CHST11: variants seen among roughly 807,000 people sequenced by gnomAD.
CHST11 encodes C4S-1.
Under a neutral mutation model 30.4 loss-of-function variants are expected in CHST11, and 9 were observed. That is an observed-to-expected ratio of 0.30 (90% CI 0.18 to 0.52). The LOEUF (loss-of-function observed/expected upper bound fraction) is 0.52, where lower values mean the gene tolerates loss of function less well. Ranked by LOEUF, CHST11 falls within the 20% of genes least tolerant of loss-of-function variation. The pLI, the probability that CHST11 is intolerant of heterozygous loss-of-function variation, is 0.97. For synonymous variants in CHST11, 152 were observed against 187.8 expected (o/e 0.81, Z 1.56); for missense variants, 348 against 460.6 (o/e 0.76, Z 2.24).
chr12:104,480,684 C>T (rs2037612897), intron 1 of CHST11, among the ~76,000 whole-genome samples: 1 of 151,640 alleles, frequency 6.6e-6, no homozygotes, highest in African/African-American at 2.4e-5. Flanking sequence ...CAGAAACACA[C>T]ATAAGACCGT....
At chr12:104,563,564 G>A (rs906813859) in intron 1 of CHST11, among the ~76,000 whole-genome samples, 13 of 152,162 alleles carry the variant, frequency 8.5e-5, no homozygotes, top group Non-Finnish European at 7.3e-5. Context: ...TATCTCCAGT[G>A]TGCCATGCAT....
chr12:104,513,470 G>A (rs1344929769), intron 1 of CHST11, among the ~76,000 whole-genome samples: 1 of 152,124 alleles, frequency 6.6e-6, no homozygotes, highest in Non-Finnish European at 1.5e-5. Flanking sequence ...TCTGGCTTAG[G>A]TACTAACATA....
intron 1 of CHST11, among the ~76,000 whole-genome samples, chr12:104,501,421 C>A (rs2037852931): frequency 6.6e-6 from 1 of 152,180 alleles, no homozygotes; most frequent in Non-Finnish European, 1.5e-5. Flanking sequence ...GGGGAGGCAC[C>A]AAACCTGAAG....
chr12:104,691,461 G>C (rs1445207670), intron 2 of CHST11, among the ~76,000 whole-genome samples: 1 of 151,806 alleles, frequency 6.6e-6, no homozygotes. Flanking sequence ...CTGGGGGCGG[G>C]GGGGAAACCA....
At chr12:104,639,092 A>G (rs2039350895) in intron 2 of CHST11, among the ~76,000 whole-genome samples, 1 of 152,196 alleles carries the variant, frequency 6.6e-6, no homozygotes, top group Admixed American at 6.5e-5. Flanking sequence ...GTGCCTTTCC[A>G]TGACCTTTGT....
At chr12:104,743,661 A>G (rs750127782) in intron 2 of CHST11, among the ~76,000 whole-genome samples, 1 of 152,178 alleles carries the variant, frequency 6.6e-6, no homozygotes, top group Non-Finnish European at 1.5e-5. Context: ...GGTTTGTTAC[A>G]TAGGTGAACT....
intron 2 of CHST11, among the ~76,000 whole-genome samples, chr12:104,710,620 A>G (rs1004129729): frequency 8.5e-5 from 13 of 152,172 alleles, no homozygotes; most frequent in Non-Finnish European, 1.5e-4. Context: ...TGGGAGGGCC[A>G]GCTGCACTCC....
chr12:104,520,876 G>A (rs1164903450), intron 1 of CHST11, among the ~76,000 whole-genome samples: 1 of 152,094 alleles, frequency 6.6e-6, no homozygotes, highest in Non-Finnish European at 1.5e-5. Context: ...GGAGGCTTGT[G>A]GTCCATTTGT....
intron 1 of CHST11, among the ~76,000 whole-genome samples, chr12:104,460,324 T>C (rs1306033476): frequency 6.6e-6 from 1 of 152,116 alleles, no homozygotes; most frequent in Admixed American, 6.5e-5. Context: ...AGCAATGGGT[T>C]CCAGGCTTCG....
At chr12:104,685,155 A>G (rs1430585555) in intron 2 of CHST11, among the ~76,000 whole-genome samples, 1 of 152,210 alleles carries the variant, frequency 6.6e-6, no homozygotes, top group Non-Finnish European at 1.5e-5. Context: ...TTTATGCTGA[A>G]GTAAATCTGC....
In CHST11 at chr12:104,514,436, G is replaced by T. The variant is rs539107037; in HGVS notation, c.118+56907G>T. The T allele has an allele frequency of 5.0e-4, 445 of 883,232 alleles. 1 individual carries two copies. The African/African-American group carries it at 6.9e-3, about 14-fold the overall frequency. 54.7% of individuals were successfully genotyped at this position (883,232 alleles called of 1,614,324 possible). Reference sequence around the variant, plus strand: ...TTGCCTTCCTCATCCTCTTCACCATGTGAGACTCTGTGGGGGTCACCTGCC... The same window carrying T: ...TTGCCTTCCTCATCCTCTTCACCATTTGAGACTCTGTGGGGGTCACCTGCC... On this transcript the variant is annotated intron_variant, in intron 1 of 2. Transcript: ENST00000303694.
chr12:104,694,362 C>T (rs915175355), intron 2 of CHST11, among the ~76,000 whole-genome samples: 3 of 152,212 alleles, frequency 2.0e-5, no homozygotes, highest in African/African-American at 7.2e-5. Flanking sequence ...TGTTAGCTGC[C>T]TTCTCATTCC....
chr12:104,534,364 C>A (rs768346223), intron 1 of CHST11, among the ~76,000 whole-genome samples: 1 of 152,178 alleles, frequency 6.6e-6, no homozygotes, highest in Non-Finnish European at 1.5e-5. Context: ...TCTAGCAATT[C>A]TCACGACTTA....
intron 1 of CHST11, among the ~76,000 whole-genome samples, chr12:104,488,527 G>A (rs2037708566): frequency 1.3e-5 from 2 of 151,754 alleles, no homozygotes; most frequent in South Asian, 4.2e-4. Context: ...GTATCTCTGT[G>A]TGTATATGTG....
chr12:104,583,909 C>T (rs2038775052), intron 1 of CHST11, among the ~76,000 whole-genome samples: 1 of 152,118 alleles, frequency 6.6e-6, no homozygotes, highest in South Asian at 2.1e-4. Context: ...GATGGGGTTT[C>T]ACCATGTTAA....
chr12:104,562,662 G>C (rs2038524805), intron 1 of CHST11, among the ~76,000 whole-genome samples: 1 of 152,208 alleles, frequency 6.6e-6, no homozygotes. Flanking sequence ...AGATTTTAGA[G>C]CTCAAGGGGG....
chr12:104,506,467 C>T (rs755739621), intron 1 of CHST11, among the ~76,000 whole-genome samples: 3 of 152,142 alleles, frequency 2.0e-5, no homozygotes, highest in Admixed American at 6.6e-5. Context: ...GATGGACGGT[C>T]CTGCACATTA....
At chr12:104,642,323 G>A (rs911598623) in intron 2 of CHST11, among the ~76,000 whole-genome samples, 5 of 152,048 alleles carry the variant, frequency 3.3e-5, no homozygotes, top group African/African-American at 1.2e-4. Flanking sequence ...ATTACAAAGC[G>A]ACATGCATAG....
rs2040530356 is a variant in CHST11, at chr12:104,762,001, TGAA to T, written c.*4202_*4204del. 1 of 152,078 alleles carries T rather than the reference TGAA, an allele frequency of 6.6e-6. No individual in the cohort carries two copies. The highest frequency in any genetic ancestry group is 1.9e-4 in the East Asian group (1 of 5,200). 9.4% of individuals were successfully genotyped at this position (152,078 alleles called of 1,614,324 possible). ...TTTTTCTAAGTAACTTCAATTAAAT[TGAA>T]GAAAAAAGAAGCTGCTTTCTGTGTA... is the stretch of plus-strand genomic sequence containing the variant. On this transcript the variant is annotated 3_prime_UTR_variant, in exon 3 of 3. Transcript: ENST00000303694.
Sources: gnomAD v4.1 joint callset for allele counts (sites outside exome capture counted in the v4.1 genomes callset) on GRCh38, gnomAD v4.1.1 for gene constraint, MANE v1.5 for transcripts, NCBI Gene and HGNC (gene_info 2026-07-23, HGNC 2026-07-21) for gene names.